Variants in MRS2 observed in about 807,000 individuals in gnomAD.
The protein encoded by MRS2 is magnesium transporter MRS2 homolog, mitochondrial.
MRS2 carries 40 observed loss-of-function variants against 52.6 expected under a neutral mutation model. The ratio of observed to expected loss-of-function variants is 0.76; its 90% CI spans 0.59 to 0.99. The LOEUF is 0.99. Ranked by LOEUF, MRS2 falls within the 50% of genes least tolerant of loss-of-function variation. MRS2 has a pLI of 0.00. For synonymous variants in MRS2, 193 were observed against 195.9 expected (o/e 0.98, Z 0.13); for missense variants, 472 against 532.7 (o/e 0.89, Z 1.12).
chr6:24,405,385 T>G, intron 2 of MRS2, 144 bp downstream of exon 2: 2 of 607,788 alleles, frequency 3.3e-6, no homozygotes, highest in East Asian at 2.9e-5. Flanking sequence ...GCCTGGCCAG[T>G]GACCTAAGTG....
At position 24,403,028 on chromosome 6, in the gene MRS2, T is replaced by C; in HGVS notation, c.-19T>C. 6.4e-7 allele frequency: 1 copy of C among 1,569,820 alleles called. No individual in the cohort carries two copies. Among genetic ancestry groups the C allele is most frequent in the Non-Finnish European group, 8.6e-7 (1 of 1,159,600 alleles). The stretch of plus-strand genomic sequence containing the variant: ...GAAGGTCTGGGGTCTGGCTGCTGCC[T>C]GCTTCTTGCTCCAGCACCATGGAAT... On this transcript the variant is annotated 5_prime_UTR_variant, in exon 1 of 11. Transcript: ENST00000378386.
chr6:24,403,286 C>G (rs536805564), intron 1 of MRS2, 50 bp downstream of exon 1: 6 of 1,473,920 alleles, frequency 4.1e-6, no homozygotes, highest in Non-Finnish European at 5.4e-6. Context: ...TTGCAGTGAC[C>G]TTAGACTGCT....
At chr6:24,419,778 C>A (rs1761980280) in intron 9 of MRS2, among the ~76,000 whole-genome samples, 1 of 152,214 alleles carries the variant, frequency 6.6e-6, no homozygotes. Context: ...CCCACAGATA[C>A]CAAAGTCTGT....
At position 24,425,529 on chromosome 6, in the gene MRS2, T is replaced by G. The variant is rs1762204940; in HGVS notation, c.*1835T>G. ...TATCAACTAGTTCCACTTTTGTGAT[T>G]GCAGGATGCTTCTTATACTAAAGTT... is the stretch of plus-strand genomic sequence containing the variant. On this transcript the variant is annotated 3_prime_UTR_variant, in exon 11 of 11. Coordinates refer to ENST00000378386, the MANE Select transcript of MRS2 (RefSeq NM_020662.4). 1 of 152,258 alleles carries G rather than the reference T, an allele frequency of 6.6e-6. No individual in the cohort carries two copies. The highest frequency in any genetic ancestry group is 2.1e-4 in the South Asian group (1 of 4,830). The allele number at this position is 152,258 out of a possible 1,614,324, so 9.4% of individuals were successfully genotyped here.
intron 5 of MRS2, 94 bp downstream of exon 5, chr6:24,412,489 T>A: frequency 1.1e-6 from 1 of 939,090 alleles, no homozygotes; most frequent in Non-Finnish European, 1.5e-6. Context: ...CAATGGCATG[T>A]CCCCTGACCA....
chr6:24,422,908 C>T (rs747259910), intron 9 of MRS2, 29 bp from the exon 10 acceptor site: 8 of 1,494,254 alleles, frequency 5.4e-6, no homozygotes, highest in South Asian at 4.6e-5. Flanking sequence ...TGGCGTTTTG[C>T]GATGGAAATG....
Position 24,418,505 on chromosome 6 carries a change from G to A in MRS2, c.1034G>A (p.Gly345Glu). The part of the protein sequence containing the change: ...MMRLNLQLTM[G>E]TFSLSLFGLM... Reference sequence around the variant, plus strand: ...AGGTTGAATCTACAGCTGACCATGGGAACCTTCTCTCTTTCGCTCTTTGGA... The same window carrying A: ...AGGTTGAATCTACAGCTGACCATGGAAACCTTCTCTCTTTCGCTCTTTGGA... Residue 345 changes from glycine (G) to glutamate (E), a missense_variant, in exon 9 of 11, where the codon GGA becomes GAA. Coordinates refer to ENST00000378386, the MANE Select transcript of MRS2 (RefSeq NM_020662.4). 1 of 1,614,144 alleles carries A rather than the reference G, an allele frequency of 6.2e-7. No homozygotes were observed. Among genetic ancestry groups the A allele is most frequent in the Non-Finnish European group, 8.5e-7 (1 of 1,180,024 alleles).
intron 6 of MRS2, 44 bp downstream of exon 6, chr6:24,415,207 T>C (rs1311782781): frequency 1.3e-6 from 2 of 1,485,146 alleles, no homozygotes; most frequent in Admixed American, 3.9e-5. Context: ...GAGACAAATA[T>C]CTTAAAATCA....
rs928532684 is a variant in MRS2 at position 24,418,175 on chromosome 6, G to T, written c.928G>T (p.Ala310Ser). The change falls in exon 8 of 11, where the codon GCT becomes TCT. Residue 310 changes from alanine to serine, a missense_variant. Physicochemically the swap from Ala to Ser is moderately conservative, Grantham distance 99. Coordinates refer to ENST00000378386, the MANE Select transcript of MRS2 (RefSeq NM_020662.4). The stretch of plus-strand genomic sequence containing the variant: ...ATTGGCTGACGATCTCTCCAATGCA[G>T]CTCGTGAGCTTAGGGTGCTGATTGA... ...YRLADDLSNA[A>S]RELRVLIDDS... The T allele has an allele frequency of 7.4e-6, 12 of 1,613,448 alleles. No homozygotes were observed. The highest frequency in any genetic ancestry group is 1.3e-5 in the African/African-American group (1 of 74,878).
chr6:24,404,976 A>G (rs1442133426), intron 1 of MRS2, among the ~76,000 whole-genome samples, 192 bp from the exon 2 acceptor site: 1 of 152,358 alleles, frequency 6.6e-6, no homozygotes, highest in African/African-American at 2.4e-5. Flanking sequence ...TTTAAAAATC[A>G]TTCCCTGCCA....
intron 5 of MRS2, among the ~76,000 whole-genome samples, 176 bp downstream of exon 5, chr6:24,412,571 C>T (rs1323488467): frequency 1.3e-5 from 2 of 152,112 alleles, no homozygotes; most frequent in African/African-American, 2.4e-5. Context: ...AATGTTATGA[C>T]CCAGTCAAAT....
intron 2 of MRS2, among the ~76,000 whole-genome samples, chr6:24,407,194 T>C (rs945401944): frequency 5.3e-5 from 7 of 131,306 alleles, no homozygotes; most frequent in Non-Finnish European, 1.1e-4. Context: ...TTATGTTACG[T>C]ATATTTATTT....
chr6:24,423,552 G>T (rs1264725854), intron 10 of MRS2, 32 bp from the exon 11 acceptor site: 4 of 1,280,394 alleles, frequency 3.1e-6, no homozygotes, highest in African/African-American at 3.0e-5. Context: ...TTTTAAAAAA[G>T]ATACTAAAAT....
intron 1 of MRS2, 42 bp downstream of exon 1, chr6:24,403,278 G>T (rs1323895660): frequency 1.9e-6 from 3 of 1,542,408 alleles, no homozygotes; most frequent in Non-Finnish European, 2.6e-6. Context: ...CGCTGGTCTT[G>T]CAGTGACCTT....
In MRS2 at chr6:24,412,177, A is replaced by G. The variant is rs763539345; in HGVS notation, c.415-45A>G. The G allele has an allele frequency of 5.6e-6, 7 of 1,257,440 alleles. No homozygotes were observed. The South Asian group carries it at 6.2e-5, about 11-fold the overall frequency. The allele number at this position is 1,257,440 out of a possible 1,614,324, so 77.9% of individuals were successfully genotyped here. On this transcript the variant is annotated intron_variant, in intron 4 of 10. Transcript: ENST00000378386. ...TATGTATATACATGCATGTGTGTAT[A>G]TACACTCACATATTTATATGTTTTG...
At chr6:24,422,190 G>GA (rs2127298276) in intron 9 of MRS2, among the ~76,000 whole-genome samples, 1 of 152,260 alleles carries the variant, frequency 6.6e-6, no homozygotes, top group South Asian at 2.1e-4. Flanking sequence ...TTCAATAAGT[G>GA]ACATGCATTT....
intron 6 of MRS2, among the ~76,000 whole-genome samples, chr6:24,415,381 C>A (rs1168669431): frequency 2.0e-5 from 3 of 152,068 alleles, no homozygotes; most frequent in Non-Finnish European, 2.9e-5. Flanking sequence ...ATCACCCATT[C>A]AATAGTTGAT....
chr6:24,418,234 C>T lies in MRS2; in HGVS notation c.987C>T (p.Asp329=), dbSNP rs369839843. Residue 329 remains aspartate (D), a splice_region_variant and synonymous_variant, in exon 8 of 11, where the codon GAC becomes GAT. Coordinates refer to ENST00000378386, the MANE Select transcript of MRS2 (RefSeq NM_020662.4). ...DSQSIIFINL[D]SHRNVMMRLN... The stretch of plus-strand genomic sequence containing the variant: ...AAAGTATTATTTTCATTAATCTGGA[C>T]AGGTAAGAAAGCATTATATAAAACT... The T allele has an allele frequency of 1.3e-5, 21 of 1,594,744 alleles. No individual in the cohort carries two copies. The African/African-American group carries it at 2.0e-4, about 15-fold the overall frequency.
At chr6:24,419,904 T>C (rs895203537) in intron 9 of MRS2, among the ~76,000 whole-genome samples, 1 of 152,218 alleles carries the variant, frequency 6.6e-6, no homozygotes, top group African/African-American at 2.4e-5. Context: ...TTTCTAGAAC[T>C]GAACCTGGAT....
Sources: allele counts gnomAD v4.1 joint callset (sites outside exome capture counted in the v4.1 genomes callset), GRCh38; gene constraint gnomAD v4.1.1; transcripts MANE v1.5; gene names NCBI Gene and HGNC (gene_info 2026-07-23, HGNC 2026-07-21).